MAP3K5: variants seen among roughly 807,000 people sequenced by gnomAD.
MAP3K5 encodes mitogen-activated protein kinase kinase kinase 5.
In MAP3K5, 56 loss-of-function variants were observed where a neutral mutation model predicts 158.7. The ratio of observed to expected loss-of-function variants is 0.35; its 90% confidence interval spans 0.28 to 0.44. The LOEUF is 0.44. Ranked by LOEUF, MAP3K5 falls within the 20% of genes least tolerant of loss-of-function variation. MAP3K5 has a pLI of 1.00. For missense variants in MAP3K5, 1,294 were observed against 1,674.8 expected, an observed-to-expected ratio of 0.77 and a Z score of 3.97; for synonymous variants, 579 against 601.7, an observed-to-expected ratio of 0.96 and a Z score of 0.55.
chr6:136,730,721 CAAAAAAAAAAA>C (rs377188561), intron 1 of MAP3K5, among the ~76,000 whole-genome samples: 2 of 87,382 alleles, frequency 2.3e-5, no homozygotes, highest in Admixed American at 1.2e-4. Context: ...AACTCTGCCT[CAAAAAAAAAAA>C]AAAAAAAAAA....
intron 26 of MAP3K5, among the ~76,000 whole-genome samples, chr6:136,567,254 C>T (rs1380423342): frequency 6.6e-6 from 1 of 152,182 alleles, no homozygotes; most frequent in African/African-American, 2.4e-5. Context: ...AGTGATCTTC[C>T]TCTCCTATAA....
chr6:136,733,084 C>T (rs1244523890), intron 1 of MAP3K5, among the ~76,000 whole-genome samples: 1 of 152,196 alleles, frequency 6.6e-6, no homozygotes, highest in Admixed American at 6.5e-5. Flanking sequence ...ACTGCATCCT[C>T]GACCTCCTGG....
intron 1 of MAP3K5, among the ~76,000 whole-genome samples, chr6:136,759,472 A>ATATATATATATATG (rs1419995538): frequency 7.0e-6 from 1 of 142,480 alleles, no homozygotes; most frequent in Non-Finnish European, 1.5e-5. Context: ...ATATATATAT[A>ATATATATATATATG]TATATATATA....
intron 11 of MAP3K5, among the ~76,000 whole-genome samples, chr6:136,650,247 A>C (rs1301536034): frequency 6.6e-6 from 1 of 152,236 alleles, no homozygotes; most frequent in Non-Finnish European, 1.5e-5. Flanking sequence ...GCATTCTGGG[A>C]AACAGTTACG....
chr6:136,569,736 T>C (rs1328288505), intron 25 of MAP3K5, among the ~76,000 whole-genome samples: 1 of 152,234 alleles, frequency 6.6e-6, no homozygotes, highest in Non-Finnish European at 1.5e-5. Context: ...TCACAGGTCA[T>C]AGTCACTCAT....
At chr6:136,754,840 G>A (rs1260663106) in intron 1 of MAP3K5, among the ~76,000 whole-genome samples, 1 of 152,112 alleles carries the variant, frequency 6.6e-6, no homozygotes, top group African/African-American at 2.4e-5. Context: ...TGGAACAGAG[G>A]AAACGGGGCT....
chr6:136,614,573 G>T (rs1482638165), intron 15 of MAP3K5, among the ~76,000 whole-genome samples: 1 of 152,276 alleles, frequency 6.6e-6, no homozygotes, highest in Admixed American at 6.5e-5. Flanking sequence ...GATTCACAGA[G>T]AGGATGACTG....
intron 23 of MAP3K5, among the ~76,000 whole-genome samples, chr6:136,591,120 C>A (rs1775366987): frequency 6.6e-6 from 1 of 152,188 alleles, no homozygotes; most frequent in African/African-American, 2.4e-5. Flanking sequence ...TGACTTTGCT[C>A]CTCATTCACC....
At chr6:136,576,370 A>C (rs1774616890) in intron 25 of MAP3K5, among the ~76,000 whole-genome samples, 1 of 152,132 alleles carries the variant, frequency 6.6e-6, no homozygotes, top group Non-Finnish European at 1.5e-5. Context: ...GGAGTACAGC[A>C]GTGCAATCAT....
At chr6:136,620,603 C>T (rs1776755959) in intron 15 of MAP3K5, among the ~76,000 whole-genome samples, 1 of 152,144 alleles carries the variant, frequency 6.6e-6, no homozygotes, top group Admixed American at 6.5e-5. Context: ...AACGTGGAGT[C>T]AAGGGCAGCC....
chr6:136,685,537 A>G (rs1002234491), intron 7 of MAP3K5, among the ~76,000 whole-genome samples: 19 of 152,266 alleles, frequency 1.2e-4, no homozygotes, highest in Non-Finnish European at 2.6e-4. Flanking sequence ...TTATTAAAAA[A>G]GAGAATTGCA....
chr6:136,656,404 G>T lies in MAP3K5; in HGVS notation c.1583C>A (p.Thr528Asn). 1 of 1,610,116 alleles carries T rather than the reference G, an allele frequency of 6.2e-7. No homozygotes were observed. Among genetic ancestry groups the T allele is most frequent in the Non-Finnish European group, 8.5e-7 (1 of 1,178,340 alleles). Residue 528 changes from threonine (T) to asparagine (N), a missense_variant, in exon 10 of 30, where the codon ACC (threonine) becomes AAC (asparagine). Around this residue, in one of 5 missense-constraint regions of MAP3K5, gnomAD observed 690 missense variants for 870.5 expected, o/e 0.79. Transcript: ENST00000359015. ...ILIYKHFVKL[T>N]TEQPVAKQEL... ...TTGCTTGGCCACAGGCTGTTCTGTG[G>T]TCAGTTTCACAAAATGCTTATATAT...
intron 1 of MAP3K5, among the ~76,000 whole-genome samples, chr6:136,721,238 CAG>C (rs1158609505): frequency 1.4e-5 from 2 of 144,166 alleles, no homozygotes; most frequent in Admixed American, 6.8e-5. Flanking sequence ...AAAAAAAAAA[CAG>C]ATTCATTAAA....
intron 2 of MAP3K5, among the ~76,000 whole-genome samples, chr6:136,715,960 G>GTGGAGGT (rs1781501074): frequency 7.0e-6 from 1 of 142,904 alleles, no homozygotes; most frequent in Non-Finnish European, 1.5e-5. Context: ...AACCCAGGAG[G>GTGGAGGT]TGGAGGTTGC....
chr6:136,578,740 A>C (rs892437346), intron 25 of MAP3K5, among the ~76,000 whole-genome samples: 44 of 152,332 alleles, frequency 2.9e-4, no homozygotes, highest in African/African-American at 1.0e-3. Flanking sequence ...AATGTTTGAC[A>C]TAAAGATTGA....
At chr6:136,720,738 T>C (rs1781714786) in intron 1 of MAP3K5, 149 bp from the exon 2 acceptor site, 1 of 640,358 alleles carries the variant, frequency 1.6e-6, no homozygotes, top group Middle Eastern at 2.6e-4. Context: ...ATTTTGAATT[T>C]GCAGCTCTAC....
intron 19 of MAP3K5, among the ~76,000 whole-genome samples, chr6:136,604,248 G>C (rs760100779): frequency 6.6e-6 from 1 of 151,880 alleles, no homozygotes; most frequent in Non-Finnish European, 1.5e-5. Flanking sequence ...CTTGAACTCA[G>C]GAGACGGAGG....
At chr6:136,646,177 A>G (rs549566390) in intron 11 of MAP3K5, among the ~76,000 whole-genome samples, 2 of 152,338 alleles carry the variant, frequency 1.3e-5, no homozygotes, top group East Asian at 3.9e-4. Flanking sequence ...GAAAGCTTCA[A>G]TTTTTGAACA....
At chr6:136,731,246 C>G (rs540158173) in intron 1 of MAP3K5, among the ~76,000 whole-genome samples, 2 of 152,060 alleles carry the variant, frequency 1.3e-5, no homozygotes, top group Admixed American at 1.3e-4. Context: ...CATTTCTAAC[C>G]GATCATTTTG....
Sources: allele counts gnomAD v4.1 joint callset (sites outside exome capture counted in the v4.1 genomes callset), GRCh38; gene constraint gnomAD v4.1.1; regional missense constraint gnomAD v4.1.1; transcripts MANE v1.5; gene names NCBI Gene and HGNC (gene_info 2026-07-23, HGNC 2026-07-21).